The following ZNF248 variants were observed in gnomAD, a reference collection of about 807,000 sequenced individuals.
The protein encoded by ZNF248 is KRAB protein domain.
A neutral mutation model predicts 44.3 loss-of-function variants in ZNF248; 20 were observed. The observed-to-expected ratio is 0.45, with a 90% confidence interval of 0.32 to 0.66. The LOEUF is 0.66. ZNF248 is among the 30% of genes least tolerant of loss of function. The pLI is 0.04. For missense variants in ZNF248, 654 were observed against 677.0 expected, an observed-to-expected ratio of 0.97 and a Z score of 0.38; for synonymous variants, 224 against 229.0, an observed-to-expected ratio of 0.98 and a Z score of 0.20.
At chr10:37,759,727 A>G in the ZNF248 span, among the ~76,000 whole-genome samples, 3 of 152,370 alleles carry the variant, frequency 2.0e-5, no homozygotes, top group South Asian at 4.1e-4. Context: ...AGTTGAGGTT[A>G]GAGCCCAAAG....
chr10:37,811,915 G>A (rs1312935546), intron 6 of ZNF248, among the ~76,000 whole-genome samples: 1 of 151,628 alleles, frequency 6.6e-6, no homozygotes, highest in African/African-American at 2.4e-5. Context: ...CCAAGACGCA[G>A]CAGACAAGTT....
In ZNF248 at chr10:37,831,871, TTACATA is replaced by T. The variant is rs1314901921; in HGVS notation, c.1478_1483del (p.Ile493_Cys494del). The T allele has an allele frequency of 6.2e-7, 1 of 1,613,936 alleles. No individual in the cohort carries two copies. The highest frequency in any genetic ancestry group is 2.2e-5 in the East Asian group (1 of 44,866). On this transcript the variant is annotated inframe_deletion, in exon 6 of 6. Coordinates refer to ENST00000395867, the MANE Select transcript of ZNF248 (RefSeq NM_021045.3). ...CACACAGAAGGATTTTCCACATTCATTACATATAAACGGTTTCTCCCCTGTGTGTGT... is the reference window on the plus strand; with the variant it reads ...CACACAGAAGGATTTTCCACATTCATTAAACGGTTTCTCCCCTGTGTGTGT...
chr10:37,823,333 C>CAAAAAA (rs60957023), intron 6 of ZNF248, among the ~76,000 whole-genome samples: 8 of 17,540 alleles, frequency 4.6e-4, no homozygotes, highest in East Asian at 2.4e-3. Flanking sequence ...ACTCCGTCTC[C>CAAAAAA]AAAAAAAAAA....
intron 3 of ZNF248, among the ~76,000 whole-genome samples, chr10:37,844,567 A>G (rs2058945357): frequency 6.6e-6 from 1 of 152,250 alleles, no homozygotes; most frequent in African/African-American, 2.4e-5. Flanking sequence ...TGCACAATGT[A>G]TAAAGATGTA....
intron 6 of ZNF248, among the ~76,000 whole-genome samples, chr10:37,778,659 T>C (rs1225651979): frequency 6.6e-6 from 1 of 152,168 alleles, no homozygotes; most frequent in Non-Finnish European, 1.5e-5. Context: ...TTTTATGGTT[T>C]CAGGTCTAAC....
intron 6 of ZNF248, among the ~76,000 whole-genome samples, chr10:37,797,160 T>C (rs1022123131): frequency 2.0e-5 from 3 of 152,164 alleles, no homozygotes; most frequent in African/African-American, 7.2e-5. Flanking sequence ...TAAAGAATAG[T>C]TTCTTGAAAG....
intron 5 of ZNF248, among the ~76,000 whole-genome samples, chr10:37,835,233 G>A (rs539517761): frequency 6.6e-6 from 1 of 152,246 alleles, no homozygotes; most frequent in Non-Finnish European, 1.5e-5. Context: ...TTATATCAGT[G>A]AAAAGTGAGA....
In ZNF248 at chr10:37,832,596, T is replaced by C. The variant is rs775749631; in HGVS notation, c.759A>G (p.Glu253=). Residue 253 remains glutamate (E), a synonymous_variant, in exon 6 of 6, where the codon GAA becomes GAG. Coordinates refer to ENST00000395867, the MANE Select transcript of ZNF248 (RefSeq NM_021045.3). ...TTTGAGATATATTCAGCTTTAAACT[T>C]TCAATGAAGGTTCTTCCACATTCGT... The part of the protein sequence containing the change: ...KYNECGRTFI[E]SLKLNISQRP... The C allele has an allele frequency of 8.1e-6, 13 of 1,613,552 alleles. No homozygotes were observed. Among genetic ancestry groups the C allele is most frequent in the Non-Finnish European group, 1.1e-5 (13 of 1,179,888 alleles).
chr10:37,762,777 G>A, the ZNF248 span, among the ~76,000 whole-genome samples: 1 of 152,150 alleles, frequency 6.6e-6, no homozygotes, highest in African/African-American at 2.4e-5. Flanking sequence ...GGCTTCCCAT[G>A]TAGACATTTC....
intron 6 of ZNF248, among the ~76,000 whole-genome samples, chr10:37,816,478 C>G (rs76874781): frequency 0.011 from 1,614 of 152,316 alleles, 25 homozygotes; most frequent in South Asian, 0.059. Context: ...CACAATTTGC[C>G]ATACAAGCCT....
rs908542471 is a variant in ZNF248 at position 37,830,414 on chromosome 10, T to C, written c.*1201A>G. On this transcript the variant is annotated 3_prime_UTR_variant, in exon 6 of 6. Coordinates refer to ENST00000395867, the MANE Select transcript of ZNF248 (RefSeq NM_021045.3). ...GAAATAATATTTCACTAAAAACATA[T>C]ACTGGCCAACCTACAAAGAGACTCC... 17 of 985,222 alleles carry C rather than the reference T, an allele frequency of 1.7e-5. No individual in the cohort carries two copies. The Admixed American group carries it at 1.8e-4, about 11-fold the overall frequency. The allele number at this position is 985,222 out of a possible 1,614,324, so 61.0% of individuals were successfully genotyped here. A position where few individuals can be genotyped will look rare whatever the true frequency, so the allele number is the denominator to read the frequency against.
downstream of ZNF248, among the ~76,000 whole-genome samples, chr10:37,826,408 T>C (rs2054398336): frequency 6.6e-6 from 1 of 152,198 alleles, no homozygotes; most frequent in South Asian, 2.1e-4. Context: ...TATTTCCTCA[T>C]CATTACCTAC....
intron 6 of ZNF248, among the ~76,000 whole-genome samples, chr10:37,782,871 A>G (rs2047472744): frequency 6.6e-6 from 1 of 152,134 alleles, no homozygotes; most frequent in Admixed American, 6.5e-5. Flanking sequence ...TAGCCTCCAG[A>G]ACTGTGACAG....
chr10:37,774,427 C>G (rs926836667), downstream of ZNF248, among the ~76,000 whole-genome samples: 1 of 152,112 alleles, frequency 6.6e-6, no homozygotes, highest in Non-Finnish European at 1.5e-5. Context: ...TTTCAGCTCT[C>G]GAGGGGTTAT....
intron 6 of ZNF248, chr10:37,803,385 A>G (rs2133243145): frequency 6.6e-6 from 1 of 152,362 alleles, no homozygotes; most frequent in African/African-American, 2.4e-5. Context: ...CACAGTGGGC[A>G]GTGACGTGTC....
chr10:37,850,792 T>C (rs1003063193), intron 3 of ZNF248, among the ~76,000 whole-genome samples: 1 of 152,212 alleles, frequency 6.6e-6, no homozygotes, highest in African/African-American at 2.4e-5. Flanking sequence ...CCTCATACCT[T>C]ACACAAAAAT....
Position 37,831,262 on chromosome 10 carries a change from C to T in ZNF248, c.*353G>A, listed in dbSNP as rs1389438983. ...GTCTACAAACATCGGGGACTCTTCA[C>T]ATATATGTTTAATGCTGCTGTCATT... On this transcript the variant is annotated 3_prime_UTR_variant, in exon 6 of 6. Transcript: ENST00000395867. 1 of 1,549,586 alleles carries T rather than the reference C, an allele frequency of 6.5e-7. No homozygotes were observed. Among genetic ancestry groups the T allele is most frequent in the Non-Finnish European group, 8.7e-7 (1 of 1,146,220 alleles).
At chr10:37,855,563 G>A (rs971688756) in intron 3 of ZNF248, among the ~76,000 whole-genome samples, 3 of 152,150 alleles carry the variant, frequency 2.0e-5, no homozygotes, top group African/African-American at 7.2e-5. Flanking sequence ...TGAGGACTAG[G>A]GAGGGAATCA....
chr10:37,798,388 T>C (rs1192179109), intron 6 of ZNF248, among the ~76,000 whole-genome samples: 1 of 152,164 alleles, frequency 6.6e-6, no homozygotes, highest in Non-Finnish European at 1.5e-5. Context: ...TGTACAACTA[T>C]ATGAATATAC....
Sources: allele counts gnomAD v4.1 joint callset (sites outside exome capture counted in the v4.1 genomes callset), GRCh38; gene constraint gnomAD v4.1.1; transcripts MANE v1.5; gene names NCBI Gene and HGNC (gene_info 2026-07-23, HGNC 2026-07-21).